Variants in ZNF674 observed in about 807,000 individuals in gnomAD.
ZNF674 encodes the protein zinc finger protein 674.
A neutral mutation model predicts 7.0 loss-of-function variants in ZNF674; 2 were observed. The ratio of observed to expected loss-of-function variants is 0.29; its 90% CI spans 0.12 to 0.90. ZNF674 has a LOEUF of 0.90. Among genes scored for constraint, ZNF674 ranks in the 40% least tolerant of loss-of-function variants. ZNF674 has a pLI of 0.57. For synonymous variants in ZNF674, 103 were observed against 145.2 expected (o/e 0.71, Z 2.09); for missense variants, 297 against 415.5 (o/e 0.71, Z 2.48).
intron 5 of ZNF674, among the ~76,000 whole-genome samples, chrX:46,521,653 G>C (rs953695483): frequency 3.7e-5 from 4 of 109,377 alleles, no homozygotes; most frequent in East Asian, 2.9e-4. Context: ...GGCGGGGGAG[G>C]GGGGGGAGGT....
chrX:46,522,385 G>A (rs754103181), intron 5 of ZNF674, among the ~76,000 whole-genome samples: 3 of 111,270 alleles, frequency 2.7e-5, no homozygotes, highest in Non-Finnish European at 5.7e-5. Context: ...GTAAATACTG[G>A]CTGAGTGCAG....
Position 46,533,849 on chromosome X carries a change from TATATAC to T in ZNF674, c.16-4946_16-4941del, listed in dbSNP as rs1215072843. Among the ~76,000 whole-genome samples the T allele has an allele frequency of 2.8e-3, 245 of 88,949 alleles. 2 individuals are homozygous for T. Among genetic ancestry groups the T allele is most frequent in the African/African-American group, 0.01 (234 of 23,013 alleles). 77.2% of individuals were successfully genotyped at this position (88,949 alleles called of 115,157 possible). A position where few individuals can be genotyped will look rare whatever the true frequency, so the allele number is the denominator to read the frequency against. ...AAAAAAATATATATATATATATATA[TATATAC>T]ACACACACACACATAAAATCTATGC... On this transcript the variant is annotated intron_variant, in intron 3 of 5. Transcript: ENST00000683375.
At chrX:46,520,865 T>C (rs1447289403) in intron 5 of ZNF674, among the ~76,000 whole-genome samples, 1 of 111,354 alleles carries the variant, frequency 9.0e-6, no homozygotes, top group Non-Finnish European at 1.9e-5. Flanking sequence ...GAATCTGTGT[T>C]CAACAAGAGA....
intron 5 of ZNF674, chrX:46,517,902 A>G (rs768488473): frequency 2.7e-5 from 3 of 111,122 alleles, no homozygotes; most frequent in Non-Finnish European, 3.8e-5. Flanking sequence ...GAGGGGATGG[A>G]TACCCCATTC....
At chrX:46,516,463 G>A (rs931376836) in intron 5 of ZNF674, among the ~76,000 whole-genome samples, 1 of 112,364 alleles carries the variant, frequency 8.9e-6, no homozygotes, top group Non-Finnish European at 1.9e-5. Flanking sequence ...ACCAAGCCTT[G>A]AGAACTGAAC....
intron 1 of ZNF674, among the ~76,000 whole-genome samples, chrX:46,545,138 GTGTC>G (rs1273268671): frequency 9.0e-6 from 1 of 111,203 alleles, no homozygotes. Context: ...ATTTGCAAGA[GTGTC>G]TGGCAGTTAC....
At chrX:46,536,723 C>T (rs1942205687) in intron 3 of ZNF674, among the ~76,000 whole-genome samples, 1 of 109,671 alleles carries the variant, frequency 9.1e-6, no homozygotes, top group Non-Finnish European at 1.9e-5. Context: ...TGCCACTGCA[C>T]TTCAGCCTGG....
chrX:46,531,913 T>G (rs1354525742), intron 3 of ZNF674, among the ~76,000 whole-genome samples: 1 of 111,960 alleles, frequency 8.9e-6, no homozygotes, highest in Non-Finnish European at 1.9e-5. Flanking sequence ...ACGCCTGTGA[T>G]CCCAGCACTT....
chrX:46,518,719 C>CAA (rs376915363), intron 5 of ZNF674, among the ~76,000 whole-genome samples: 2 of 75,703 alleles, frequency 2.6e-5, no homozygotes, highest in Admixed American at 1.5e-4. Flanking sequence ...ACTAAAAATA[C>CAA]AAAAAAAAAA....
intron 5 of ZNF674, among the ~76,000 whole-genome samples, chrX:46,513,918 A>T (rs1269248142): frequency 9.0e-6 from 1 of 110,530 alleles, no homozygotes; most frequent in African/African-American, 3.3e-5. Context: ...AAACAAACTT[A>T]GCCAGGTGTC....
intron 3 of ZNF674, among the ~76,000 whole-genome samples, chrX:46,539,966 C>T (rs1469713844): frequency 8.9e-6 from 1 of 112,114 alleles, no homozygotes; most frequent in African/African-American, 3.2e-5. Flanking sequence ...ACATCCTGGC[C>T]GGGTGCGGGG....
chrX:46,533,058 C>A (rs189957585), intron 3 of ZNF674, among the ~76,000 whole-genome samples: 109 of 111,787 alleles, frequency 9.8e-4, no homozygotes, highest in African/African-American at 3.3e-3. Flanking sequence ...AGGCTAAAAT[C>A]TGCTAACATG....
intron 5 of ZNF674, among the ~76,000 whole-genome samples, chrX:46,519,266 A>ATAGAT (rs1488956816): frequency 2.5e-4 from 18 of 70,746 alleles, no homozygotes; most frequent in African/African-American, 6.2e-4. Flanking sequence ...AGATAGATAA[A>ATAGAT]GATAGATGAT....
intron 5 of ZNF674, among the ~76,000 whole-genome samples, chrX:46,504,868 T>C (rs1474493011): frequency 9.1e-6 from 1 of 110,307 alleles, no homozygotes; most frequent in East Asian, 2.8e-4. Context: ...TTTTCTTTTC[T>C]TTTTATTTTT....
At chrX:46,514,085 AAAAC>A (rs1941714753) in intron 5 of ZNF674, among the ~76,000 whole-genome samples, 1 of 110,968 alleles carries the variant, frequency 9.0e-6, no homozygotes, top group Admixed American at 9.6e-5. Context: ...AAAAAGAAGA[AAAAC>A]AAAGTATAAG....
intron 3 of ZNF674, among the ~76,000 whole-genome samples, chrX:46,536,417 C>T (rs573450540): frequency 1.8e-5 from 2 of 110,897 alleles, no homozygotes; most frequent in South Asian, 7.6e-4. Context: ...TGGTGAAACC[C>T]TGTCTCTACT....
intron 5 of ZNF674, among the ~76,000 whole-genome samples, chrX:46,519,594 C>T (rs1187342860): frequency 2.8e-5 from 3 of 106,287 alleles, no homozygotes; most frequent in South Asian, 4.1e-4. Flanking sequence ...GGCGACAGAG[C>T]GAGACTCGCT....
rs546684747 is a variant in ZNF674, at chrX:46,522,348, G to A, written c.238+6002C>T. The stretch of plus-strand genomic sequence containing the variant: ...TCATTAACTATACTAGCCTTAAACC[G>A]GAAACAACCCAAACACCATCAAGAG... On this transcript the variant is annotated intron_variant, in intron 5 of 5. Transcript: ENST00000683375. Among the ~76,000 whole-genome samples, 5 of 110,612 alleles carry A rather than the reference G, an allele frequency of 4.5e-5. No individual in the cohort carries two copies. The South Asian group carries it at 1.2e-3, about 26-fold the overall frequency.
In ZNF674 at chrX:46,531,178, T is replaced by C. The variant is rs759445379; in HGVS notation, c.16-2269A>G. ...TTGGTGGTTCCCGGATGGTAGTGAG[T>C]CCAGAGAGGGCATGAAAGGTCTGTG... On this transcript the variant is annotated intron_variant, in intron 3 of 5. Coordinates refer to ENST00000683375, the MANE Select transcript of ZNF674 (RefSeq NM_001190417.2). 8.9e-5 allele frequency among the ~76,000 whole-genome samples: 10 copies of C among 112,596 alleles called. No individual in the cohort carries two copies. In the South Asian group the frequency reaches 3.7e-3, roughly 41 times the overall value.
Sources: gnomAD v4.1 joint callset for allele counts (sites outside exome capture counted in the v4.1 genomes callset) on GRCh38, gnomAD v4.1.1 for gene constraint, MANE v1.5 for transcripts, NCBI Gene and HGNC (gene_info 2026-07-23, HGNC 2026-07-21) for gene names.